The following NTRK3 variants were observed in gnomAD, a reference collection of about 807,000 sequenced individuals.
The protein encoded by NTRK3 is neurotrophic receptor tyrosine kinase 3.
In NTRK3, 24 loss-of-function variants were observed where a neutral mutation model predicts 91.7. That is an observed-to-expected ratio of 0.26 (90% CI 0.19 to 0.37). NTRK3 has a LOEUF of 0.37. NTRK3 is among the 10% of genes least tolerant of loss of function. The pLI, the probability that NTRK3 is intolerant of heterozygous loss-of-function variation, is 1.00. For missense variants in NTRK3, 880 were observed against 1,068.9 expected, an observed-to-expected ratio of 0.82 and a Z score of 2.46; for synonymous variants, 483 against 404.0, an observed-to-expected ratio of 1.20 and a Z score of -2.34.
intron 14 of NTRK3, among the ~76,000 whole-genome samples, chr15:87,966,706 A>G (rs900054208): frequency 2.0e-5 from 3 of 152,224 alleles, no homozygotes; most frequent in African/African-American, 7.2e-5. Context: ...TGTTTGGGTA[A>G]GGAATTCTGG....
intron 13 of NTRK3, among the ~76,000 whole-genome samples, chr15:88,060,050 T>A (rs2046071141): frequency 6.6e-6 from 1 of 152,114 alleles, no homozygotes; most frequent in Admixed American, 6.5e-5. Flanking sequence ...CATGGAAGCC[T>A]CCTCACGGAG....
rs554881707 is a variant in NTRK3, at chr15:88,078,522, C to T, written c.1397-45477G>A. 4.9e-4 allele frequency among the ~76,000 whole-genome samples: 74 copies of T among 152,278 alleles called. No homozygotes were observed. The East Asian group carries it at 0.012, about 25-fold the overall frequency. Reference sequence around the variant, plus strand: ...AAAATTAGCTGGACATGGTGGTGCACGCCTGTAATCTCAGCTACTCAGGAG... The same window carrying T: ...AAAATTAGCTGGACATGGTGGTGCATGCCTGTAATCTCAGCTACTCAGGAG... On this transcript the variant is annotated intron_variant, in intron 13 of 18. Coordinates refer to ENST00000394480, the Ensembl canonical transcript of NTRK3.
chr15:88,032,418 T>A (rs2078627288), intron 14 of NTRK3, among the ~76,000 whole-genome samples: 1 of 152,078 alleles, frequency 6.6e-6, no homozygotes, highest in Non-Finnish European at 1.5e-5. Context: ...GAGAGATGTT[T>A]CCATTCAAAG....
intron 13 of NTRK3, among the ~76,000 whole-genome samples, chr15:88,049,773 A>T (rs142788535): frequency 8.4e-4 from 128 of 152,354 alleles, no homozygotes; most frequent in Admixed American, 1.5e-3. Flanking sequence ...TTTTAAGATC[A>T]TTAACCAATT....
At chr15:88,099,296 C>G in intron 13 of NTRK3, 1 of 218,820 alleles carries the variant, frequency 4.6e-6, no homozygotes. Flanking sequence ...AAAAGGAAAA[C>G]ATGGTCCAGC....
intron 14 of NTRK3, among the ~76,000 whole-genome samples, chr15:87,973,973 T>C (rs971892053): frequency 1.3e-5 from 2 of 152,168 alleles, no homozygotes; most frequent in African/African-American, 4.8e-5. Context: ...CTAATCCATG[T>C]CTGGCTCCGT....
intron 13 of NTRK3, among the ~76,000 whole-genome samples, chr15:88,115,659 CCTGGAAACTGCT>C (rs2151014160): frequency 6.6e-6 from 1 of 151,940 alleles, no homozygotes; most frequent in East Asian, 1.9e-4. Flanking sequence ...ACTTATCAGT[CCTGGAAACTGCT>C]CTGGTCTTCT....
intron 18 of NTRK3, among the ~76,000 whole-genome samples, chr15:87,880,029 A>T (rs1039210446): frequency 6.6e-6 from 1 of 152,168 alleles, no homozygotes; most frequent in Non-Finnish European, 1.5e-5. Flanking sequence ...GATTTAACAG[A>T]GGCATGACTT....
intron 17 of NTRK3, among the ~76,000 whole-genome samples, chr15:87,880,950 A>C (rs1233326918): frequency 1.3e-5 from 2 of 152,228 alleles, no homozygotes; most frequent in South Asian, 2.1e-4. Flanking sequence ...AGACAGAGAC[A>C]TTCCAAAAGC....
chr15:87,961,647 T>C (rs2072301982), intron 14 of NTRK3, among the ~76,000 whole-genome samples: 2 of 152,234 alleles, frequency 1.3e-5, no homozygotes, highest in Admixed American at 6.5e-5. Flanking sequence ...GGCCAATTCC[T>C]GAGGGTGCAG....
At chr15:87,954,081 G>A (rs180795070) in intron 14 of NTRK3, among the ~76,000 whole-genome samples, 81 of 141,390 alleles carry the variant, frequency 5.7e-4, no homozygotes, top group Non-Finnish European at 8.1e-4. Flanking sequence ...CTCTGAAATA[G>A]ATCTTTATTG....
At position 87,870,373 on chromosome 15, in the gene NTRK3, A is replaced by C. The variant is rs1182644250; in HGVS notation, c.*6562T>G. 1.5e-5 allele frequency: 3 copies of C among 199,578 alleles called. No individual in the cohort carries two copies. The East Asian group carries it at 2.3e-4, about 15-fold the overall frequency. 12.4% of individuals were successfully genotyped at this position (199,578 alleles called of 1,614,324 possible). A position where few individuals can be genotyped will look rare whatever the true frequency, so the allele number is the denominator to read the frequency against. On this transcript the variant is annotated 3_prime_UTR_variant, in exon 19 of 19. Transcript: ENST00000394480. ...TCGTACGTTCTCACTGATATGTGGG[A>C]GCTAAGCTGTGAGGATGTCAAGGTA...
intron 5 of NTRK3, among the ~76,000 whole-genome samples, chr15:88,156,406 C>T (rs1405418108): frequency 6.6e-6 from 1 of 152,180 alleles, no homozygotes; most frequent in Non-Finnish European, 1.5e-5. Flanking sequence ...AGTACTTCCA[C>T]AAAATGACAT....
intron 14 of NTRK3, among the ~76,000 whole-genome samples, chr15:87,956,048 G>C (rs907812288): frequency 6.6e-6 from 1 of 152,000 alleles, no homozygotes; most frequent in African/African-American, 2.4e-5. Flanking sequence ...TGGGGTACTG[G>C]GAAGGTGTGT....
intron 14 of NTRK3, among the ~76,000 whole-genome samples, chr15:87,966,833 C>A (rs900209304): frequency 1.3e-5 from 2 of 152,134 alleles, no homozygotes; most frequent in African/African-American, 2.4e-5. Flanking sequence ...GGGGAGGTCC[C>A]CTCTTACCCA....
At chr15:87,951,691 C>G (rs371157773) in intron 14 of NTRK3, among the ~76,000 whole-genome samples, 1 of 152,312 alleles carries the variant, frequency 6.6e-6, no homozygotes, top group East Asian at 1.9e-4. Context: ...CCTAACTTTA[C>G]TCTTGCTTAA....
At chr15:88,047,609 A>C (rs925652167) in intron 13 of NTRK3, among the ~76,000 whole-genome samples, 16 of 152,194 alleles carry the variant, frequency 1.1e-4, no homozygotes, top group African/African-American at 3.9e-4. Context: ...CCTCATCAAA[A>C]GTCTGTTTCT....
chr15:88,013,050 A>G (rs918537996), intron 14 of NTRK3, among the ~76,000 whole-genome samples: 37 of 147,916 alleles, frequency 2.5e-4, no homozygotes, highest in Non-Finnish European at 4.9e-4. Context: ...AGCAGCTGAA[A>G]CCGTGCACTG....
At chr15:88,143,869 T>C (rs1227072484) in intron 6 of NTRK3, 1 of 152,214 alleles carries the variant, frequency 6.6e-6, no homozygotes, top group East Asian at 1.9e-4. Context: ...TAATTATCAC[T>C]TTCCTTTAAA....
Sources: gnomAD v4.1 joint callset for allele counts (sites outside exome capture counted in the v4.1 genomes callset) on GRCh38, gnomAD v4.1.1 for gene constraint, MANE v1.5 for transcripts, NCBI Gene and HGNC (gene_info 2026-07-23, HGNC 2026-07-21) for gene names.